CNTN5: variants seen among roughly 807,000 people sequenced by gnomAD.
CNTN5 encodes contactin-5.
In CNTN5, 77 loss-of-function variants were observed where a neutral mutation model predicts 129.1. The ratio of observed to expected loss-of-function variants is 0.60; its 90% CI spans 0.50 to 0.72. The LOEUF is 0.72. Ranked by LOEUF, CNTN5 falls within the 30% of genes least tolerant of loss-of-function variation. The probability of loss-of-function intolerance (pLI) is 0.00; values close to 1 mark genes in which losing one functional copy is unlikely to be tolerated. For missense variants in CNTN5, 1,478 were observed against 1,328.8 expected (o/e 1.11, Z -1.75); for synonymous variants, 509 against 465.6 (o/e 1.09, Z -1.20).
At chr11:100,127,427 T>C (rs964541843) in intron 13 of CNTN5, among the ~76,000 whole-genome samples, 2 of 152,030 alleles carry the variant, frequency 1.3e-5, no homozygotes, top group African/African-American at 4.8e-5. Flanking sequence ...GTTATTTTTC[T>C]TAAAAAATAA....
chr11:100,030,498 C>G (rs113720220), intron 9 of CNTN5, among the ~76,000 whole-genome samples: 1 of 152,134 alleles, frequency 6.6e-6, no homozygotes. Context: ...CCACCTGACC[C>G]CGTTAAGCTG....
chr11:99,219,871 T>A (rs191569720), intron 1 of CNTN5, among the ~76,000 whole-genome samples: 4 of 152,054 alleles, frequency 2.6e-5, no homozygotes, highest in African/African-American at 4.8e-5. Flanking sequence ...TTAAATATCA[T>A]GCTTAATTTC....
chr11:100,006,396 A>G (rs1358750442), intron 9 of CNTN5, among the ~76,000 whole-genome samples: 1 of 152,124 alleles, frequency 6.6e-6, no homozygotes, highest in Non-Finnish European at 1.5e-5. Context: ...TTCTTTCAAA[A>G]TTGGAGTCAA....
In CNTN5 at chr11:99,877,136, A is replaced by AT. The variant is rs140282908; in HGVS notation, c.577+31875dup. Among the ~76,000 whole-genome samples the AT allele has an allele frequency of 1.6e-3, 243 of 152,282 alleles. 1 individual carries two copies. The highest frequency in any genetic ancestry group is 5.7e-3 in the African/African-American group (239 of 41,574). ...ATATTTTCATTAATATGGATTTTTAATACCCTTTGGAAATTAACTTTAAAA... is the reference window on the plus strand; with the variant it reads ...ATATTTTCATTAATATGGATTTTTAATTACCCTTTGGAAATTAACTTTAAAA... On this transcript the variant is annotated intron_variant, in intron 6 of 24. Coordinates refer to ENST00000524871, the MANE Select transcript of CNTN5 (RefSeq NM_014361.4).
intron 3 of CNTN5, among the ~76,000 whole-genome samples, chr11:99,578,597 T>G (rs1949450446): frequency 6.7e-6 from 1 of 150,000 alleles, no homozygotes; most frequent in Non-Finnish European, 1.5e-5. Flanking sequence ...GAGCATTTTT[T>G]CATGTGTTTT....
intron 4 of CNTN5, among the ~76,000 whole-genome samples, chr11:99,826,941 G>T (rs1014321793): frequency 4.6e-5 from 7 of 152,066 alleles, no homozygotes; most frequent in Non-Finnish European, 8.8e-5. Context: ...GGAAAAAACT[G>T]ATAATTATTT....
intron 9 of CNTN5, among the ~76,000 whole-genome samples, chr11:100,051,979 G>A (rs71474549): frequency 0.072 from 10,935 of 151,860 alleles, 499 homozygotes; most frequent in East Asian, 0.19. Flanking sequence ...TTGAGTCCCA[G>A]TTAGTTTCGT....
chr11:99,237,648 C>T (rs774544658), intron 1 of CNTN5, among the ~76,000 whole-genome samples: 20 of 151,646 alleles, frequency 1.3e-4, no homozygotes, highest in Non-Finnish European at 2.4e-4. Flanking sequence ...GCCACCGCAC[C>T]CCAGCCTGAT....
intron 3 of CNTN5, among the ~76,000 whole-genome samples, chr11:99,734,253 T>C (rs1205850001): frequency 3.3e-5 from 5 of 152,216 alleles, no homozygotes; most frequent in Admixed American, 3.3e-4. Context: ...AATCCAATTA[T>C]ATTCTTACTG....
intron 11 of CNTN5, 89 bp downstream of exon 11, chr11:100,070,649 C>A: frequency 1.6e-6 from 2 of 1,241,816 alleles, no homozygotes; most frequent in Non-Finnish European, 2.3e-6. Context: ...TTATTGAAAG[C>A]CTTTTCCTGT....
At chr11:99,472,837 C>T (rs373844981) in intron 2 of CNTN5, among the ~76,000 whole-genome samples, 66 of 152,074 alleles carry the variant, frequency 4.3e-4, no homozygotes, top group African/African-American at 1.5e-3. Context: ...CAATTATGAA[C>T]GATAACAAAC....
At chr11:99,288,998 A>G (rs541549258) in intron 1 of CNTN5, among the ~76,000 whole-genome samples, 1 of 151,920 alleles carries the variant, frequency 6.6e-6, no homozygotes, top group South Asian at 2.1e-4. Flanking sequence ...GCATGTGAAC[A>G]ATCAGATCTA....
chr11:99,684,227 T>C (rs1953687038), intron 3 of CNTN5, among the ~76,000 whole-genome samples: 1 of 151,908 alleles, frequency 6.6e-6, no homozygotes, highest in African/African-American at 2.4e-5. Context: ...CTTTATAGTT[T>C]TCTATCGAAA....
intron 4 of CNTN5, among the ~76,000 whole-genome samples, chr11:99,836,876 T>C (rs1947324677): frequency 6.6e-6 from 1 of 152,198 alleles, no homozygotes; most frequent in Non-Finnish European, 1.5e-5. Flanking sequence ...TTCATGACTC[T>C]CCTTTTTAGA....
intron 13 of CNTN5, among the ~76,000 whole-genome samples, chr11:100,164,300 G>T (rs1483073707): frequency 6.6e-6 from 1 of 151,774 alleles, no homozygotes; most frequent in Non-Finnish European, 1.5e-5. Context: ...TTTTAATGTG[G>T]TTCTGTATTT....
At chr11:99,362,226 AG>A (rs2136110510) in intron 2 of CNTN5, among the ~76,000 whole-genome samples, 1 of 152,212 alleles carries the variant, frequency 6.6e-6, no homozygotes, top group East Asian at 1.9e-4. Flanking sequence ...GCTGTCCCTT[AG>A]TGACTAAAGA....
intron 7 of CNTN5, among the ~76,000 whole-genome samples, chr11:99,954,148 T>TA (rs996154596): frequency 1.7e-4 from 26 of 151,894 alleles, no homozygotes; most frequent in African/African-American, 5.8e-4. Context: ...AGGATAATAA[T>TA]AAAAAAAGAA....
intron 1 of CNTN5, among the ~76,000 whole-genome samples, chr11:99,249,122 C>T (rs570652317): frequency 1.1e-4 from 16 of 151,956 alleles, no homozygotes; most frequent in East Asian, 5.8e-4. Context: ...TCCATTTGTT[C>T]GCATCCTCTT....
At chr11:100,003,476 G>T (rs941135441) in intron 9 of CNTN5, among the ~76,000 whole-genome samples, 1 of 152,114 alleles carries the variant, frequency 6.6e-6, no homozygotes, top group African/African-American at 2.4e-5. Context: ...GAAGACAAGG[G>T]TTTTAGTGTA....
Sources: allele counts gnomAD v4.1 joint callset (sites outside exome capture counted in the v4.1 genomes callset), GRCh38; gene constraint gnomAD v4.1.1; transcripts MANE v1.5; gene names NCBI Gene and HGNC (gene_info 2026-07-23, HGNC 2026-07-21).